The following PRPF40B variants were observed in gnomAD, a reference collection of about 807,000 sequenced individuals.
PRPF40B encodes pre-mRNA-processing factor 40 homolog B.
A neutral mutation model predicts 124.5 loss-of-function variants in PRPF40B; 56 were observed. The ratio of observed to expected loss-of-function variants is 0.45; its 90% CI spans 0.36 to 0.56. PRPF40B has a LOEUF of 0.56. PRPF40B is among the 20% of genes least tolerant of loss of function. The pLI is 0.00. For synonymous variants in PRPF40B, 443 were observed against 426.4 expected (o/e 1.04, Z -0.48); for missense variants, 1,053 against 1,169.5 (o/e 0.90, Z 1.45).
Position 49,643,882 on chromosome 12 carries a change from G to A in PRPF40B, c.2464G>A (p.Asp822Asn), listed in dbSNP as rs760248619. Reference sequence around the variant, plus strand: ...ACAGAATAGTCCTGAGAGTGAGACAGACCCTGAGGAGAAAGCTGGCAAGGA... The same window carrying A: ...ACAGAATAGTCCTGAGAGTGAGACAAACCCTGAGGAGAAAGCTGGCAAGGA... Reference protein sequence around the residue: ...HKSNSPESETDPEEKAGKESD... With the variant: ...HKSNSPESETNPEEKAGKESD... The change falls in exon 25 of 26, where the codon GAC becomes AAC. Residue 822 changes from aspartate (D) to asparagine (N), a missense_variant. This residue lies in a region of PRPF40B where 895 missense variants were observed against 1,052.2 expected (regional missense o/e 0.85). Coordinates refer to ENST00000548825, the MANE Select transcript of PRPF40B (RefSeq NM_001031698.3). 2 of 1,614,204 alleles carry A rather than the reference G, an allele frequency of 1.2e-6. No individual in the cohort carries two copies.
In PRPF40B at chr12:49,641,976, G is replaced by A. The variant is rs1016658157; in HGVS notation, c.1836G>A (p.Lys612=). The change falls in exon 19 of 26, where the codon AAG becomes AAA. Residue 612 remains lysine, a synonymous_variant. Transcript: ENST00000548825. The part of the protein sequence containing the change: ...EDFAHVISFD[K]RAAALDAGNI... Reference sequence around the variant, plus strand: ...TCGCCCACGTCATAAGCTTTGACAAGAGGGCTGCCGCACTGGACGCAGGCA... The same window carrying A: ...TCGCCCACGTCATAAGCTTTGACAAAAGGGCTGCCGCACTGGACGCAGGCA... 2.5e-6 allele frequency: 4 copies of A among 1,613,744 alleles called. No homozygotes were observed. Among genetic ancestry groups the A allele is most frequent in the Middle Eastern group, 1.6e-4 (1 of 6,074 alleles).
At position 49,634,524 on chromosome 12, in the gene PRPF40B, C is replaced by G. The variant is rs752257047; in HGVS notation, c.937-14C>G. The G allele has an allele frequency of 6.2e-7, 1 of 1,614,228 alleles. No homozygotes were observed. ...GCGGGGCAGGCCCCATGACTCCCAC[C>G]TGCTTCATTCCAGGCTGTCCCCTCC... On this transcript the variant is annotated splice_polypyrimidine_tract_variant and intron_variant, in intron 11 of 25. Coordinates refer to ENST00000548825, the MANE Select transcript of PRPF40B (RefSeq NM_001031698.3).
At chr12:49,643,449 G>A in intron 23 of PRPF40B, 52 bp downstream of exon 23, 2 of 1,519,952 alleles carry the variant, frequency 1.3e-6, no homozygotes, top group South Asian at 1.3e-5. Context: ...CCCAGACTGA[G>A]AGGATGCCCT....
In PRPF40B at chr12:49,631,476, C is replaced by G; in HGVS notation, c.160C>G (p.Pro54Ala). 6.5e-7 allele frequency: 1 copy of G among 1,529,096 alleles called. No individual in the cohort carries two copies. Among genetic ancestry groups the G allele is most frequent in the Non-Finnish European group, 8.7e-7 (1 of 1,143,500 alleles). 94.7% of individuals were successfully genotyped at this position (1,529,096 alleles called of 1,614,324 possible). Residue 54 changes from proline to alanine, a missense_variant, in exon 3 of 26, where the codon CCC (proline) becomes GCC (alanine). Pro to Ala is a conservative substitution (Grantham distance 27). This residue lies in a region of PRPF40B where 158 missense variants were observed against 117.3 expected (regional missense o/e 1.35). Transcript: ENST00000548825. The surrounding 1 kb of genome is among the most constrained non-coding windows in gnomAD (Gnocchi z 4.3). ...CATGAGTCAGAGACCACCAGCTATC[C>G]CCCCCATGCCACCTGGCATCCTGCC... is the stretch of plus-strand genomic sequence containing the variant. ...PPMSQRPPAI[P>A]PMPPGILPPM...
chr12:49,634,025 G>C lies in PRPF40B; in HGVS notation c.745G>C (p.Asp249His). 1 of 1,614,038 alleles carries C rather than the reference G, an allele frequency of 6.2e-7. No homozygotes were observed. The highest frequency in any genetic ancestry group is 8.5e-7 in the Non-Finnish European group (1 of 1,179,968). Residue 249 changes from aspartate (D) to histidine (H), a missense_variant, in exon 10 of 26, where the codon GAT (aspartate) becomes CAT (histidine). Coordinates refer to ENST00000548825, the MANE Select transcript of PRPF40B (RefSeq NM_001031698.3). ...EPEPGGSEDC[D>H]VLEATQPLEQ... ...TGAGCCAGGTGGGAGTGAAGATTGT[G>C]ATGTGTTGGAGGCCACCCAGCCCCT...
rs749888984 is a variant in PRPF40B at position 49,643,875 on chromosome 12, T to A, written c.2457T>A (p.Ser819Arg). 82 of 1,613,792 alleles carry A rather than the reference T, an allele frequency of 5.1e-5. No homozygotes were observed. The highest frequency in any genetic ancestry group is 6.7e-5 in the African/African-American group (5 of 74,822). Residue 819 changes from serine to arginine, a missense_variant, in exon 25 of 26, where the codon AGT (serine) becomes AGA (arginine). Ser to Arg is a moderately radical substitution (Grantham distance 110). Transcript: ENST00000548825. ...GACTCTTACAGAATAGTCCTGAGAG[T>A]GAGACAGACCCTGAGGAGAAAGCTG... The part of the protein sequence containing the change: ...KRRHKSNSPE[S>R]ETDPEEKAGK...
chr12:49,642,058 A>T lies in PRPF40B; in HGVS notation c.1884+34A>T, dbSNP rs1254255078. On this transcript the variant is annotated intron_variant, in intron 19 of 25. Coordinates refer to ENST00000548825, the MANE Select transcript of PRPF40B (RefSeq NM_001031698.3). This position sits in a 1 kb window ranked among gnomAD's most constrained non-coding sequence, Gnocchi z 5.8. ...CTGGGCGGGGCGTGGGAAGTTCTCT[A>T]ATTCATCTGTGTCTTGCTCCATTCC... 4.4e-6 allele frequency: 7 copies of T among 1,607,164 alleles called. No homozygotes were observed. The South Asian group carries it at 7.7e-5, about 18-fold the overall frequency.
Position 49,642,418 on chromosome 12 carries a change from A to T in PRPF40B, c.2022+46A>T. 2 of 1,603,076 alleles carry T rather than the reference A, an allele frequency of 1.2e-6. No individual in the cohort carries two copies. Among genetic ancestry groups the T allele is most frequent in the Non-Finnish European group, 8.5e-7 (1 of 1,171,576 alleles). ...CCAAGCACCCCTCAAGCCTGAGGGC[A>T]GCGGTGCTTCACCACTGAGGGCCCA... On this transcript the variant is annotated intron_variant, in intron 20 of 25. Transcript: ENST00000548825. This position sits in a 1 kb window ranked among gnomAD's most constrained non-coding sequence, Gnocchi z 5.8.
chr12:49,636,229 G>A (rs1417506755), intron 15 of PRPF40B, among the ~76,000 whole-genome samples: 2 of 152,184 alleles, frequency 1.3e-5, no homozygotes, highest in African/African-American at 2.4e-5. Flanking sequence ...CTTGGAGGAA[G>A]AGCTCTGGGA....
chr12:49,627,682 T>C (rs918456758), intron 1 of PRPF40B, among the ~76,000 whole-genome samples: 1 of 152,020 alleles, frequency 6.6e-6, no homozygotes, highest in African/African-American at 2.4e-5. Flanking sequence ...TGGGAAGCCA[T>C]TGAAGAGTTT....
intron 16 of PRPF40B, 136 bp from the exon 17 acceptor site, chr12:49,637,334 T>C (rs1380111328): frequency 3.1e-6 from 2 of 636,346 alleles, no homozygotes; most frequent in Non-Finnish European, 5.6e-6. Flanking sequence ...CATCTCTTCA[T>C]CTCTGCCTCT....
At chr12:49,627,157 T>C (rs1352790593) in intron 1 of PRPF40B, among the ~76,000 whole-genome samples, 1 of 152,222 alleles carries the variant, frequency 6.6e-6, no homozygotes, top group Non-Finnish European at 1.5e-5. Context: ...TGCCCTTCAG[T>C]GTTTTCAGTC....
At chr12:49,628,198 T>C (rs1940897777) in intron 1 of PRPF40B, among the ~76,000 whole-genome samples, 1 of 152,222 alleles carries the variant, frequency 6.6e-6, no homozygotes, top group Non-Finnish European at 1.5e-5. Flanking sequence ...ATGAGTCACA[T>C]TGGAGAGGTT....
upstream of PRPF40B, chr12:49,623,494 C>G (rs1940384191): frequency 1.6e-6 from 2 of 1,215,834 alleles, no homozygotes; most frequent in South Asian, 7.4e-5. Flanking sequence ...GGGTGCGACC[C>G]CCCGCCGGCC....
At chr12:49,628,405 C>T (rs1940919415) in intron 1 of PRPF40B, among the ~76,000 whole-genome samples, 1 of 151,978 alleles carries the variant, frequency 6.6e-6, no homozygotes, top group East Asian at 1.9e-4. Flanking sequence ...AGACTACAGG[C>T]GTGTGCCACC....
Position 49,631,996 on chromosome 12 carries a change from CT to C in PRPF40B, c.294+72del. On this transcript the variant is annotated intron_variant, in intron 4 of 25. Coordinates refer to ENST00000548825, the MANE Select transcript of PRPF40B (RefSeq NM_001031698.3). This position sits in a 1 kb window ranked among gnomAD's most constrained non-coding sequence, Gnocchi z 4.3. The stretch of plus-strand genomic sequence containing the variant: ...CGTGAGTCTGACTTGGAATGCAGGA[CT>C]ATGACCTCCATTCTTTCCCTCTTCT... 3 of 1,420,292 alleles carry C rather than the reference CT, an allele frequency of 2.1e-6. No homozygotes were observed. Among genetic ancestry groups the C allele is most frequent in the Non-Finnish European group, 3.0e-6 (3 of 1,005,844 alleles). The allele number at this position is 1,420,292 out of a possible 1,614,324, so 88.0% of individuals were successfully genotyped here.
rs1942750753 is a variant in PRPF40B at position 49,642,130 on chromosome 12, T to C, written c.1885-105T>C. The C allele has an allele frequency of 3.1e-6, 5 of 1,603,958 alleles. No individual in the cohort carries two copies. The South Asian group carries it at 5.5e-5, about 18-fold the overall frequency. On this transcript the variant is annotated intron_variant, in intron 19 of 25. Coordinates refer to ENST00000548825, the MANE Select transcript of PRPF40B (RefSeq NM_001031698.3). The surrounding 1 kb of genome is among the most constrained non-coding windows in gnomAD (Gnocchi z 5.8). Reference sequence around the variant, plus strand: ...ACTATATTCCCAATTCAGGGGATGGTGGTAGAAGCCCAGACCCTAACTTTC... The same window carrying C: ...ACTATATTCCCAATTCAGGGGATGGCGGTAGAAGCCCAGACCCTAACTTTC...
At chr12:49,641,753 G>T in intron 18 of PRPF40B, 155 bp from the exon 19 acceptor site, 1 of 624,740 alleles carries the variant, frequency 1.6e-6, no homozygotes, top group Non-Finnish European at 2.8e-6. Context: ...AAGTGATGAG[G>T]ACTTGGATAA....
chr12:49,627,576 C>A (rs549071737), intron 1 of PRPF40B, among the ~76,000 whole-genome samples: 1 of 152,188 alleles, frequency 6.6e-6, no homozygotes, highest in East Asian at 1.9e-4. Context: ...GGAACTGAGA[C>A]CCAGGAGCTC....
Sources: allele counts gnomAD v4.1 joint callset (sites outside exome capture counted in the v4.1 genomes callset), GRCh38; gene constraint gnomAD v4.1.1; regional missense constraint gnomAD v4.1.1; non-coding constraint Gnocchi (gnomAD v3.1); transcripts MANE v1.5; gene names NCBI Gene and HGNC (gene_info 2026-07-23, HGNC 2026-07-21).